Variants in SERGEF observed in about 807,000 individuals in gnomAD.
SERGEF encodes the protein secretion-regulating guanine nucleotide exchange factor.
In SERGEF, 51 loss-of-function variants were observed where a neutral mutation model predicts 50.0. The observed-to-expected ratio is 1.02, with a 90% CI of 0.81 to 1.29. The LOEUF is 1.29. SERGEF is among the 50% of genes most tolerant of loss of function. The pLI is 0.00. For synonymous variants in SERGEF, 205 were observed against 212.4 expected, an observed-to-expected ratio of 0.97 and a Z score of 0.30; for missense variants, 521 against 557.0, an observed-to-expected ratio of 0.94 and a Z score of 0.65.
At chr11:17,897,732 A>G (rs1006686066) in intron 9 of SERGEF, among the ~76,000 whole-genome samples, 1 of 152,258 alleles carries the variant, frequency 6.6e-6, no homozygotes, top group Non-Finnish European at 1.5e-5. Context: ...TCTAATGTAT[A>G]GCAATAGAAA....
At chr11:17,995,775 C>A (rs747923937) in intron 6 of SERGEF, 21 bp downstream of exon 6, 2 of 1,488,962 alleles carry the variant, frequency 1.3e-6, no homozygotes, top group Non-Finnish European at 1.9e-6. Flanking sequence ...AAATATAGGA[C>A]TAAAGAAAGA....
At chr11:17,804,263 A>G (rs1368466241) in intron 10 of SERGEF, among the ~76,000 whole-genome samples, 5 of 152,206 alleles carry the variant, frequency 3.3e-5, no homozygotes, top group Admixed American at 6.5e-5. Context: ...CTGCTGTAGG[A>G]GTTAGACTCG....
chr11:17,983,797 C>A (rs1466902690), intron 8 of SERGEF, among the ~76,000 whole-genome samples: 1 of 149,506 alleles, frequency 6.7e-6, no homozygotes. Flanking sequence ...GAAGTTCTCC[C>A]AGATACCTAA....
At chr11:17,851,665 T>G (rs1850716665) in intron 10 of SERGEF, among the ~76,000 whole-genome samples, 1 of 152,172 alleles carries the variant, frequency 6.6e-6, no homozygotes, top group African/African-American at 2.4e-5. Flanking sequence ...CTCCGAAGTT[T>G]TAAAAGTTGG....
intron 9 of SERGEF, among the ~76,000 whole-genome samples, chr11:17,927,631 G>A (rs1330387206): frequency 1.3e-5 from 2 of 152,186 alleles, no homozygotes; most frequent in Admixed American, 1.3e-4. Context: ...CACAGTCTCA[G>A]ATGTGATGAT....
chr11:18,004,704 G>C (rs552629515), intron 3 of SERGEF, among the ~76,000 whole-genome samples, 169 bp from the exon 4 acceptor site: 1 of 152,256 alleles, frequency 6.6e-6, no homozygotes, highest in East Asian at 1.9e-4. Context: ...CTGGGCACCA[G>C]GTTAAGCACT....
chr11:17,892,987 C>T (rs993865767), intron 9 of SERGEF, among the ~76,000 whole-genome samples: 4 of 152,192 alleles, frequency 2.6e-5, no homozygotes, highest in Non-Finnish European at 5.9e-5. Context: ...TTGTCTTGAT[C>T]CATCATGGTC....
chr11:17,819,669 A>C (rs1378744650), intron 10 of SERGEF, among the ~76,000 whole-genome samples: 1 of 152,214 alleles, frequency 6.6e-6, no homozygotes, highest in Non-Finnish European at 1.5e-5. Flanking sequence ...AGGAATGAAT[A>C]ATACAAACCC....
intron 8 of SERGEF, among the ~76,000 whole-genome samples, chr11:17,974,659 G>T (rs1050691790): frequency 3.7e-4 from 56 of 152,328 alleles, no homozygotes; most frequent in African/African-American, 1.3e-3. Context: ...GGCTGGCTCT[G>T]CTACGTGTTA....
chr11:17,825,857 G>T (rs930621015), intron 10 of SERGEF, among the ~76,000 whole-genome samples: 1 of 152,192 alleles, frequency 6.6e-6, no homozygotes, highest in African/African-American at 2.4e-5. Flanking sequence ...TCAAGATGAA[G>T]TCAGTACACC....
intron 10 of SERGEF, chr11:17,855,143 T>C (rs1397857686): frequency 1.3e-5 from 2 of 152,194 alleles, no homozygotes; most frequent in Non-Finnish European, 2.9e-5. Context: ...TACAAAATTA[T>C]TATCTTTCTT....
At chr11:17,914,616 G>A (rs1009738736) in intron 9 of SERGEF, among the ~76,000 whole-genome samples, 3 of 151,948 alleles carry the variant, frequency 2.0e-5, no homozygotes, top group African/African-American at 7.2e-5. Context: ...TTTATTTATG[G>A]AGAAAGAGTG....
At chr11:17,846,926 A>G (rs1302965975) in intron 10 of SERGEF, among the ~76,000 whole-genome samples, 1 of 152,178 alleles carries the variant, frequency 6.6e-6, no homozygotes, top group African/African-American at 2.4e-5. Context: ...CCCAGGCAAG[A>G]GCCTCTGTGT....
intron 3 of SERGEF, 58 bp from the exon 4 acceptor site, chr11:18,004,593 G>A (rs1854034553): frequency 1.7e-6 from 2 of 1,210,036 alleles, no homozygotes; most frequent in Non-Finnish European, 1.2e-6. Flanking sequence ...TGTGACCAAT[G>A]GGTAAATGCT....
chr11:17,966,595 T>C (rs1239712687), intron 8 of SERGEF, among the ~76,000 whole-genome samples: 1 of 152,224 alleles, frequency 6.6e-6, no homozygotes, highest in Non-Finnish European at 1.5e-5. Flanking sequence ...AAATAAAGCA[T>C]GCACTCTAAT....
At chr11:17,849,236 T>A (rs536284111) in intron 10 of SERGEF, among the ~76,000 whole-genome samples, 1 of 152,314 alleles carries the variant, frequency 6.6e-6, no homozygotes, top group East Asian at 1.9e-4. Context: ...AATCTTACAT[T>A]GTCTTACCTC....
At chr11:17,978,178 T>TTA (rs1555018942) in intron 8 of SERGEF, among the ~76,000 whole-genome samples, 1 of 152,128 alleles carries the variant, frequency 6.6e-6, no homozygotes. Context: ...TACAGCAGTA[T>TTA]TACCCTCAGG....
At chr11:17,986,025 C>A (rs1853587742) in intron 8 of SERGEF, among the ~76,000 whole-genome samples, 1 of 152,196 alleles carries the variant, frequency 6.6e-6, no homozygotes, top group Middle Eastern at 3.2e-3. Flanking sequence ...TAATGCCTCC[C>A]AGAATGAGAC....
chr11:18,000,632 C>G lies in SERGEF; in HGVS notation c.448-75G>C, dbSNP rs370045411. 159 of 1,044,932 alleles carry G rather than the reference C, an allele frequency of 1.5e-4. No individual in the cohort carries two copies. The Middle Eastern group carries it at 2.7e-3, about 18-fold the overall frequency. 64.7% of individuals were successfully genotyped at this position (1,044,932 alleles called of 1,614,324 possible). Reference sequence around the variant, plus strand: ...AATTTTATGTAATTTATACCAAATACAATGCAGTACGGTCCTCATTATGGG... The same window carrying G: ...AATTTTATGTAATTTATACCAAATAGAATGCAGTACGGTCCTCATTATGGG... On this transcript the variant is annotated intron_variant, in intron 4 of 10. Coordinates refer to ENST00000265965, the MANE Select transcript of SERGEF (RefSeq NM_012139.4).
Sources: gnomAD v4.1 joint callset for allele counts (sites outside exome capture counted in the v4.1 genomes callset) on GRCh38, gnomAD v4.1.1 for gene constraint, MANE v1.5 for transcripts, NCBI Gene and HGNC (gene_info 2026-07-23, HGNC 2026-07-21) for gene names.